Variants in XKR5 observed in about 807,000 individuals in gnomAD.
XKR5 encodes the protein XK-related protein 5.
XKR5 carries 46 observed loss-of-function variants against 40.8 expected under a neutral mutation model. The observed-to-expected ratio is 1.13, with a 90% CI of 0.89 to 1.44. XKR5 has a LOEUF of 1.44. Ranked by LOEUF, XKR5 falls within the 40% of genes most tolerant of loss-of-function variation. The probability of loss-of-function intolerance (pLI) is 0.00; values close to 1 mark genes in which losing one functional copy is unlikely to be tolerated. For missense variants in XKR5, 1,169 were observed against 844.7 expected, an observed-to-expected ratio of 1.38 and a Z score of -4.76; for synonymous variants, 466 against 356.1, an observed-to-expected ratio of 1.31 and a Z score of -3.48.
intron 2 of XKR5, among the ~76,000 whole-genome samples, chr8:6,827,499 G>A (rs1290062311): frequency 6.6e-6 from 1 of 152,180 alleles, no homozygotes; most frequent in Non-Finnish European, 1.5e-5. Context: ...TATTCATGGT[G>A]CTGAGATCCC....
chr8:6,834,734 C>G (rs984650389), intron 1 of XKR5, among the ~76,000 whole-genome samples: 65 of 152,304 alleles, frequency 4.3e-4, no homozygotes, highest in African/African-American at 1.4e-3. Context: ...CGGAAGTGGG[C>G]GGAGACGCTC....
chr8:6,825,425 A>G (rs1804421447), intron 2 of XKR5, 76 bp from the exon 3 acceptor site: 1 of 1,379,488 alleles, frequency 7.2e-7, no homozygotes, highest in African/African-American at 1.5e-5. Flanking sequence ...TCATTTAGAG[A>G]CATACTACAT....
intron 2 of XKR5, among the ~76,000 whole-genome samples, chr8:6,831,462 T>G (rs1047473602): frequency 6.6e-6 from 1 of 152,192 alleles, no homozygotes; most frequent in Non-Finnish European, 1.5e-5. Context: ...AGAAGCACCC[T>G]CTACCTCCTA....
At chr8:6,828,758 C>G (rs1023510828) in intron 2 of XKR5, among the ~76,000 whole-genome samples, 2 of 152,230 alleles carry the variant, frequency 1.3e-5, no homozygotes, top group African/African-American at 4.8e-5. Flanking sequence ...TGTCTACAGG[C>G]TCATTTGCCC....
intron 1 of XKR5, among the ~76,000 whole-genome samples, chr8:6,834,586 C>T (rs1389484725): frequency 6.6e-6 from 1 of 152,240 alleles, no homozygotes; most frequent in Admixed American, 6.5e-5. Context: ...GTGCGTCCTG[C>T]TCGGCGCGCC....
At chr8:6,815,970 G>T in intron 5 of XKR5, 52 bp from the exon 6 acceptor site, 2 of 1,407,192 alleles carry the variant, frequency 1.4e-6, no homozygotes, top group East Asian at 2.5e-5. Flanking sequence ...ACACTGCCTA[G>T]GGACCCCCGT....
rs1803644867 is a variant in XKR5 at position 6,810,837 on chromosome 8, C to T, written c.*361G>A. On this transcript the variant is annotated 3_prime_UTR_variant, in exon 7 of 7. Coordinates refer to ENST00000618742, the MANE Select transcript of XKR5 (RefSeq NM_207411.5). The stretch of plus-strand genomic sequence containing the variant: ...GAGGCAAAGCTAATTGTAACAAGAA[C>T]CTCAAATAAAATAGGAATCTGGGTT... 5.6e-6 allele frequency: 1 copy of T among 177,618 alleles called. No homozygotes were observed. Among genetic ancestry groups the T allele is most frequent in the Admixed American group, 5.6e-5 (1 of 17,716 alleles). 11.0% of individuals were successfully genotyped at this position (177,618 alleles called of 1,614,324 possible). A position where few individuals can be genotyped will look rare whatever the true frequency, so the allele number is the denominator to read the frequency against.
chr8:6,826,368 A>G (rs28595868), intron 2 of XKR5, among the ~76,000 whole-genome samples: 6,022 of 152,104 alleles, frequency 0.04, 387 homozygotes, highest in African/African-American at 0.14. Context: ...GGGTGTATGA[A>G]CAGGGGATAG....
At chr8:6,815,956 G>A (rs1803939848) in intron 5 of XKR5, 38 bp from the exon 6 acceptor site, 3 of 1,490,878 alleles carry the variant, frequency 2.0e-6, no homozygotes, top group Non-Finnish European at 2.8e-6. Context: ...ACCTCGTCAG[G>A]TGCACACTGC....
At chr8:6,822,185 G>C in intron 4 of XKR5, 147 bp from the exon 5 acceptor site, 1 of 757,982 alleles carries the variant, frequency 1.3e-6, no homozygotes, top group Non-Finnish European at 2.0e-6. Flanking sequence ...AGAGATTTGA[G>C]GGGGACAGAA....
At chr8:6,824,900 T>C (rs140923316) in intron 3 of XKR5, among the ~76,000 whole-genome samples, 1 of 152,312 alleles carries the variant, frequency 6.6e-6, no homozygotes, top group Non-Finnish European at 1.5e-5. Flanking sequence ...CCAAGGCATT[T>C]TGAGGATAAT....
intron 1 of XKR5, among the ~76,000 whole-genome samples, chr8:6,834,030 G>T (rs1255580897): frequency 2.6e-5 from 4 of 152,168 alleles, no homozygotes; most frequent in Non-Finnish European, 1.5e-5. Flanking sequence ...GTTAGTCCCT[G>T]TGGGGTCACA....
At chr8:6,830,223 A>C (rs1219306476) in intron 2 of XKR5, among the ~76,000 whole-genome samples, 1 of 152,222 alleles carries the variant, frequency 6.6e-6, no homozygotes, top group South Asian at 2.1e-4. Context: ...GAGGACACTC[A>C]AAGTGACCTA....
At position 6,815,528 on chromosome 8, in the gene XKR5, C is replaced by T. The variant is rs117538863; in HGVS notation, c.919+279G>A. Among the ~76,000 whole-genome samples the T allele has an allele frequency of 5.6e-4, 85 of 152,170 alleles. No homozygotes were observed. In the East Asian group the frequency reaches 0.016, roughly 28 times the overall value. ...GGGAGAGAGAAGTCACGTCCTCAAC[C>T]CTGCAGGAAGCTCCGGGGAGGACGG... On this transcript the variant is annotated intron_variant, in intron 6 of 6. Coordinates refer to ENST00000618742, the MANE Select transcript of XKR5 (RefSeq NM_207411.5).
intron 4 of XKR5, 38 bp downstream of exon 4, chr8:6,823,483 A>G: frequency 6.4e-7 from 1 of 1,551,340 alleles, no homozygotes; most frequent in Non-Finnish European, 8.7e-7. Context: ...TTGATTGGTT[A>G]TGCAGCAACA....
intron 5 of XKR5, among the ~76,000 whole-genome samples, chr8:6,821,048 A>G (rs1014129482): frequency 6.6e-6 from 1 of 152,188 alleles, no homozygotes; most frequent in Admixed American, 6.5e-5. Context: ...TCACAGGAAC[A>G]CTGAGAGGGG....
At chr8:6,812,632 G>C (rs1370163677) in intron 6 of XKR5, among the ~76,000 whole-genome samples, 1 of 152,234 alleles carries the variant, frequency 6.6e-6, no homozygotes, top group African/African-American at 2.4e-5. Flanking sequence ...GTGTGTGTGT[G>C]TGAGTGTGCA....
At chr8:6,832,522 T>A (rs540825102) in intron 2 of XKR5, among the ~76,000 whole-genome samples, 195 bp downstream of exon 2, 3 of 151,722 alleles carry the variant, frequency 2.0e-5, no homozygotes, top group Non-Finnish European at 2.9e-5. Context: ...GCCCCTGAGG[T>A]TGGAGATGCT....
At chr8:6,818,156 C>T (rs1174525047) in intron 5 of XKR5, among the ~76,000 whole-genome samples, 6 of 152,092 alleles carry the variant, frequency 3.9e-5, no homozygotes, top group African/African-American at 1.4e-4. Context: ...GGCTTTTTTT[C>T]CCTCGGACGC....
Sources: allele counts gnomAD v4.1 joint callset (sites outside exome capture counted in the v4.1 genomes callset), GRCh38; gene constraint gnomAD v4.1.1; transcripts MANE v1.5; gene names NCBI Gene and HGNC (gene_info 2026-07-23, HGNC 2026-07-21).